The following LTBP1 variants were observed in gnomAD, a reference collection of about 807,000 sequenced individuals.
LTBP1 encodes latent transforming growth factor beta binding protein 1.
LTBP1 carries 129 observed loss-of-function variants against 207.6 expected under a neutral mutation model. The ratio of observed to expected loss-of-function variants is 0.62; its 90% confidence interval spans 0.54 to 0.72. The LOEUF is 0.72. Among genes scored for constraint, LTBP1 ranks in the 30% least tolerant of loss-of-function variants. The pLI is 0.00. For missense variants in LTBP1, 2,281 were observed against 2,217.2 expected, an observed-to-expected ratio of 1.03 and a Z score of -0.58; for synonymous variants, 963 against 833.7, an observed-to-expected ratio of 1.16 and a Z score of -2.67.
At chr2:33,048,305 A>G (rs186230988) in intron 3 of LTBP1, among the ~76,000 whole-genome samples, 43 of 152,370 alleles carry the variant, frequency 2.8e-4, no homozygotes, top group African/African-American at 9.9e-4. Flanking sequence ...CTAGCAGGAA[A>G]GACATCCAGA....
chr2:32,960,791 A>C (rs1678981343), intron 2 of LTBP1, among the ~76,000 whole-genome samples: 3 of 152,172 alleles, frequency 2.0e-5, no homozygotes, highest in Non-Finnish European at 4.4e-5. Flanking sequence ...GGCCAACAGA[A>C]TGGCTAGCAC....
chr2:33,263,363 G>T lies in LTBP1; in HGVS notation c.2588G>T (p.Ser863Ile). The T allele has an allele frequency of 6.2e-7, 1 of 1,613,790 alleles. No individual in the cohort carries two copies. Among genetic ancestry groups the T allele is most frequent in the Non-Finnish European group, 8.5e-7 (1 of 1,179,860 alleles). Residue 863 changes from serine to isoleucine, a missense_variant, in exon 15 of 34, where the codon AGC becomes ATC. Ser to Ile is a moderately radical substitution (Grantham distance 142, BLOSUM62 -2). This residue lies in a region of LTBP1 where 1,671 missense variants were observed against 1,634.8 expected (regional missense o/e 1.02). Coordinates refer to ENST00000404816, the MANE Select transcript of LTBP1 (RefSeq NM_206943.4). Reference sequence around the variant, plus strand: ...CCTGAAGCTTCTACGTCTAGTGCCAGCCAAGTGATTGCTCCTACTCAAGTG... The same window carrying T: ...CCTGAAGCTTCTACGTCTAGTGCCATCCAAGTGATTGCTCCTACTCAAGTG... ...VAPEASTSSA[S>I]QVIAPTQVTE... is the part of the protein sequence containing the mutation.
intron 13 of LTBP1, among the ~76,000 whole-genome samples, chr2:33,261,642 ACCTG>A (rs1207441110): frequency 1.3e-5 from 2 of 152,324 alleles, no homozygotes; most frequent in East Asian, 3.9e-4. Flanking sequence ...GTGACTTTAA[ACCTG>A]GATGGGACAG....
At chr2:33,158,340 T>C (rs183576381) in intron 5 of LTBP1, among the ~76,000 whole-genome samples, 1 of 152,134 alleles carries the variant, frequency 6.6e-6, no homozygotes, top group African/African-American at 2.4e-5. Flanking sequence ...AGTAGTTACA[T>C]AGAAGAAATA....
At chr2:33,298,690 T>G (rs2093927537) in intron 20 of LTBP1, among the ~76,000 whole-genome samples, 1 of 152,226 alleles carries the variant, frequency 6.6e-6, no homozygotes, top group Non-Finnish European at 1.5e-5. Context: ...ACCTTGTTTA[T>G]TTTCTCTATG....
At chr2:33,368,631 T>C (rs976813816) in intron 31 of LTBP1, among the ~76,000 whole-genome samples, 3 of 152,180 alleles carry the variant, frequency 2.0e-5, no homozygotes, top group East Asian at 1.9e-4. Context: ...AGTCCCAGCA[T>C]GTTGGGAGGC....
chr2:33,110,877 T>C (rs1490508954), intron 4 of LTBP1, 126 bp downstream of exon 4: 3 of 931,886 alleles, frequency 3.2e-6, no homozygotes, highest in Non-Finnish European at 1.5e-6. Flanking sequence ...AAAATCCACA[T>C]TGGTTCCTGA....
chr2:33,004,846 T>C (rs12464041), intron 2 of LTBP1, among the ~76,000 whole-genome samples: 8 of 144,902 alleles, frequency 5.5e-5, no homozygotes, highest in African/African-American at 1.5e-4. Flanking sequence ...GTATTTATTG[T>C]GGCTAGTATT....
intron 7 of LTBP1, among the ~76,000 whole-genome samples, chr2:33,209,398 G>A (rs2090128694): frequency 6.6e-6 from 1 of 152,066 alleles, no homozygotes; most frequent in Admixed American, 6.5e-5. Context: ...TGGTTCTCTG[G>A]CACCAAAACA....
At chr2:33,383,670 C>G (rs2095240826) in intron 31 of LTBP1, among the ~76,000 whole-genome samples, 1 of 152,110 alleles carries the variant, frequency 6.6e-6, no homozygotes, top group South Asian at 2.1e-4. Flanking sequence ...AGATGATCCT[C>G]TAGCCTCAGT....
chr2:33,297,099 G>GA (rs2093891480), intron 20 of LTBP1, among the ~76,000 whole-genome samples: 1 of 152,170 alleles, frequency 6.6e-6, no homozygotes, highest in African/African-American at 2.4e-5. Flanking sequence ...TTGAAGTACT[G>GA]AATACAAAGG....
At chr2:33,223,093 T>G (rs1156476010) in intron 9 of LTBP1, among the ~76,000 whole-genome samples, 1 of 152,180 alleles carries the variant, frequency 6.6e-6, no homozygotes, top group African/African-American at 2.4e-5. Flanking sequence ...TAGGATACAG[T>G]AGATTAAGGT....
At chr2:33,233,662 G>T (rs994604011) in intron 9 of LTBP1, among the ~76,000 whole-genome samples, 12 of 151,920 alleles carry the variant, frequency 7.9e-5, no homozygotes, top group African/African-American at 2.9e-4. Context: ...TTGGAGTTTG[G>T]GGCCGTTGGT....
chr2:32,985,838 C>G (rs1224470352), intron 2 of LTBP1, among the ~76,000 whole-genome samples: 2 of 152,120 alleles, frequency 1.3e-5, no homozygotes, highest in Admixed American at 6.5e-5. Flanking sequence ...TTAACCCCTT[C>G]TTTTCTTCTG....
intron 22 of LTBP1, among the ~76,000 whole-genome samples, chr2:33,304,825 A>G (rs1263478564): frequency 6.6e-6 from 1 of 152,206 alleles, no homozygotes; most frequent in African/African-American, 2.4e-5. Flanking sequence ...TTGTGGACAA[A>G]ATTTTAAAAA....
At chr2:33,295,435 A>G (rs2148890329) in intron 20 of LTBP1, among the ~76,000 whole-genome samples, 1 of 152,166 alleles carries the variant, frequency 6.6e-6, no homozygotes, top group Admixed American at 6.5e-5. Flanking sequence ...GCTGAGACAC[A>G]AGAATCACTT....
chr2:33,139,662 A>G (rs1467514849), intron 5 of LTBP1, among the ~76,000 whole-genome samples: 1 of 152,192 alleles, frequency 6.6e-6, no homozygotes, highest in African/African-American at 2.4e-5. Context: ...GACTGAAGGG[A>G]GACGTGGAAC....
At chr2:33,120,968 C>T (rs922250010) in intron 4 of LTBP1, among the ~76,000 whole-genome samples, 2 of 152,110 alleles carry the variant, frequency 1.3e-5, no homozygotes, top group Non-Finnish European at 2.9e-5. Context: ...GCATGGTATG[C>T]AAGTCAGGAA....
intron 5 of LTBP1, among the ~76,000 whole-genome samples, chr2:33,169,273 C>T (rs896894244): frequency 2.0e-5 from 3 of 152,196 alleles, no homozygotes; most frequent in African/African-American, 7.2e-5. Context: ...TTCCTCTGTT[C>T]TTCCATTCCT....
Sources: gnomAD v4.1 joint callset for allele counts (sites outside exome capture counted in the v4.1 genomes callset) on GRCh38, gnomAD v4.1.1 for gene constraint, gnomAD v4.1.1 regional missense constraint, MANE v1.5 for transcripts, NCBI Gene and HGNC (gene_info 2026-07-23, HGNC 2026-07-21) for gene names.